VAMP4: variants seen among roughly 807,000 people sequenced by gnomAD.
VAMP4 encodes the protein vesicle associated membrane protein 4.
Under a neutral mutation model 23.5 loss-of-function variants are expected in VAMP4, and 19 were observed. The observed-to-expected ratio is 0.81, with a 90% CI of 0.56 to 1.19. The LOEUF is 1.19. Ranked by LOEUF, VAMP4 falls within the 50% of genes most tolerant of loss-of-function variation. VAMP4 has a pLI of 0.00. For synonymous variants in VAMP4, 31 were observed against 51.0 expected (o/e 0.61, Z 1.67); for missense variants, 145 against 168.6 (o/e 0.86, Z 0.78).
At position 171,703,491 on chromosome 1, in the gene VAMP4, A is replaced by G. The variant is rs549888264; in HGVS notation, c.*1015T>C. The G allele has an allele frequency of 1.5e-5, 2 of 130,146 alleles. No individual in the cohort carries two copies. Among genetic ancestry groups the G allele is most frequent in the African/African-American group, 2.9e-5 (1 of 34,320 alleles). The allele number at this position is 130,146 out of a possible 1,614,324, so 8.1% of individuals were successfully genotyped here. On this transcript the variant is annotated 3_prime_UTR_variant, in exon 8 of 8. Coordinates refer to ENST00000236192, the MANE Select transcript of VAMP4 (RefSeq NM_003762.5). Reference sequence around the variant, plus strand: ...TATACACATAGGTTCCTGACTTTCTACTACTCATTACTGTTGGCTGATGCA... The same window carrying G: ...TATACACATAGGTTCCTGACTTTCTGCTACTCATTACTGTTGGCTGATGCA...
chr1:171,704,236 G>A lies in VAMP4; in HGVS notation c.*270C>T, dbSNP rs1303088996. On this transcript the variant is annotated 3_prime_UTR_variant, in exon 8 of 8. Coordinates refer to ENST00000236192, the MANE Select transcript of VAMP4 (RefSeq NM_003762.5). Reference sequence around the variant, plus strand: ...GTTTATATACACAAATAATGAACTGGCAAGTATCTAGTTTCAAATTAGATC... The same window carrying A: ...GTTTATATACACAAATAATGAACTGACAAGTATCTAGTTTCAAATTAGATC... The A allele has an allele frequency of 3.9e-6, 1 of 256,854 alleles. No individual in the cohort carries two copies. Among genetic ancestry groups the A allele is most frequent in the Non-Finnish European group, 7.4e-6 (1 of 134,504 alleles). 15.9% of individuals were successfully genotyped at this position (256,854 alleles called of 1,614,324 possible). A position where few individuals can be genotyped will look rare whatever the true frequency, so the allele number is the denominator to read the frequency against.
intron 4 of VAMP4, among the ~76,000 whole-genome samples, chr1:171,715,909 A>C (rs1378757964): frequency 6.6e-6 from 1 of 152,072 alleles, no homozygotes; most frequent in Non-Finnish European, 1.5e-5. Context: ...GCTGAGGTGG[A>C]AGGATCAATT....
rs753737816 is a variant in VAMP4, at chr1:171,719,121, T to C, written c.164+50A>G. The C allele has an allele frequency of 5.8e-6, 9 of 1,556,460 alleles. No individual in the cohort carries two copies. In the African/African-American group the frequency reaches 8.2e-5, roughly 14 times the overall value. ...TCACAGGCTGCAGTTTGCCAATCTC[T>C]AGTCTACACAGAAATATGATTATCA... On this transcript the variant is annotated intron_variant, in intron 4 of 7. Transcript: ENST00000236192.
At chr1:171,712,480 A>G (rs1355644924) in intron 4 of VAMP4, among the ~76,000 whole-genome samples, 3 of 152,170 alleles carry the variant, frequency 2.0e-5, no homozygotes, top group Non-Finnish European at 4.4e-5. Context: ...AAGCTTGATG[A>G]CAGTCACTTC....
chr1:171,741,375 G>A (rs142441857), intron 1 of VAMP4, among the ~76,000 whole-genome samples: 173 of 152,188 alleles, frequency 1.1e-3, no homozygotes, highest in African/African-American at 3.9e-3. Context: ...GACACAGACC[G>A]GAGATATTAT....
chr1:171,710,157 C>T (rs1444614170), intron 5 of VAMP4, among the ~76,000 whole-genome samples: 2 of 149,640 alleles, frequency 1.3e-5, no homozygotes, highest in Non-Finnish European at 3.0e-5. Flanking sequence ...TAAAGGAAAA[C>T]AATATACATT....
chr1:171,700,520 T>C lies in VAMP4; in HGVS notation c.*3986A>G, dbSNP rs1264682348. 1 of 152,222 alleles carries C rather than the reference T, an allele frequency of 6.6e-6. No homozygotes were observed. The highest frequency in any genetic ancestry group is 1.5e-5 in the Non-Finnish European group (1 of 68,032). The allele number at this position is 152,222 out of a possible 1,614,324, so 9.4% of individuals were successfully genotyped here. On this transcript the variant is annotated 3_prime_UTR_variant, in exon 8 of 8. Coordinates refer to ENST00000236192, the MANE Select transcript of VAMP4 (RefSeq NM_003762.5). ...TACTTTGTGGCTTTAAAATATTGGA[T>C]ACTTTGATTTTAAGACTACTTTAAA...
At chr1:171,739,166 G>A (rs1456002751) in intron 1 of VAMP4, among the ~76,000 whole-genome samples, 2 of 152,162 alleles carry the variant, frequency 1.3e-5, no homozygotes, top group African/African-American at 2.4e-5. Flanking sequence ...AAAAACCTAG[G>A]CATGATTAGA....
intron 3 of VAMP4, among the ~76,000 whole-genome samples, chr1:171,721,771 A>G (rs926534117): frequency 4.6e-5 from 7 of 152,218 alleles, no homozygotes; most frequent in Non-Finnish European, 7.3e-5. Flanking sequence ...AAACAAATGG[A>G]AGAACATTCC....
intron 4 of VAMP4, among the ~76,000 whole-genome samples, chr1:171,711,238 G>A (rs978529554): frequency 6.6e-6 from 1 of 152,096 alleles, no homozygotes; most frequent in Non-Finnish European, 1.5e-5. Context: ...AACAAAGGAG[G>A]TACCTTAACA....
At position 171,709,722 on chromosome 1, in the gene VAMP4, T is replaced by G; in HGVS notation, c.288A>C (p.Thr96=). ...GTTGTTTGGATCTGTTGCTAAAAGC[T>G]GTTGCATTATCCGATAAGCTTTCTA... ...DKSESLSDNA[T]AFSNRSKQLR... Residue 96 remains threonine (T), a synonymous_variant, in exon 6 of 8, where the codon ACA becomes ACC. Transcript: ENST00000236192. The G allele has an allele frequency of 6.2e-7, 1 of 1,613,206 alleles. No individual in the cohort carries two copies. Among genetic ancestry groups the G allele is most frequent in the Non-Finnish European group, 8.5e-7 (1 of 1,179,372 alleles).
chr1:171,739,448 T>A (rs1439880413), intron 1 of VAMP4, among the ~76,000 whole-genome samples: 1 of 152,212 alleles, frequency 6.6e-6, no homozygotes, highest in East Asian at 1.9e-4. Context: ...TCCTTTATAA[T>A]AAACCAGTAA....
chr1:171,710,728 A>G lies in VAMP4; in HGVS notation c.251T>C (p.Leu84Pro), dbSNP rs1654822122. ...AAGATCTGTACCTGATTTGTCCTGT[A>G]GTTCATCTAGTCTCTCCCCTCTCTC... ...VIERGERLDE[L>P]QDKSESLSDN... is the part of the protein sequence containing the mutation. The change falls in exon 5 of 8, where the codon CTA (leucine) becomes CCA (proline). Residue 84 changes from leucine (L) to proline (P), a missense_variant. Transcript: ENST00000236192. The G allele has an allele frequency of 6.2e-7, 1 of 1,605,120 alleles. No homozygotes were observed. The highest frequency in any genetic ancestry group is 8.5e-7 in the Non-Finnish European group (1 of 1,175,012).
Position 171,702,174 on chromosome 1 carries a change from G to A in VAMP4, c.*2332C>T, listed in dbSNP as rs1049361790. The A allele has an allele frequency of 2.0e-5, 3 of 152,046 alleles. 1 individual carries two copies. Among genetic ancestry groups the A allele is most frequent in the South Asian group, 2.1e-4 (1 of 4,822 alleles). 9.4% of individuals were successfully genotyped at this position (152,046 alleles called of 1,614,324 possible). The stretch of plus-strand genomic sequence containing the variant: ...ATATTTTTTTCTTCTGTTTTTGATC[G>A]TAAGAGGGCTTATATCTCCAAGGTT... On this transcript the variant is annotated 3_prime_UTR_variant, in exon 8 of 8. Coordinates refer to ENST00000236192, the MANE Select transcript of VAMP4 (RefSeq NM_003762.5).
intron 1 of VAMP4, among the ~76,000 whole-genome samples, chr1:171,739,251 T>C (rs558928843): frequency 2.6e-5 from 4 of 152,248 alleles, no homozygotes; most frequent in East Asian, 1.9e-4. Context: ...TGATTTCTAA[T>C]AGCCAATGAT....
intron 2 of VAMP4, among the ~76,000 whole-genome samples, chr1:171,737,623 T>C (rs1655785595): frequency 6.6e-6 from 1 of 152,214 alleles, no homozygotes; most frequent in Non-Finnish European, 1.5e-5. Flanking sequence ...TTACACACTT[T>C]ATTTACATAG....
intron 4 of VAMP4, 98 bp from the exon 5 acceptor site, chr1:171,710,912 A>C (rs1344717792): frequency 1.2e-6 from 1 of 833,292 alleles, no homozygotes; most frequent in African/African-American, 1.8e-5. Flanking sequence ...GCAAATTCTC[A>C]GAGAATTATT....
chr1:171,723,966 G>C (rs574998208), intron 3 of VAMP4, among the ~76,000 whole-genome samples: 1 of 151,926 alleles, frequency 6.6e-6, no homozygotes, highest in Non-Finnish European at 1.5e-5. Flanking sequence ...CTCCATTCGG[G>C]GTCGCTGACT....
chr1:171,709,823 ATAT>A (rs1173391745), intron 5 of VAMP4, 79 bp from the exon 6 acceptor site: 11 of 1,160,778 alleles, frequency 9.5e-6, no homozygotes, highest in Non-Finnish European at 1.3e-5. Context: ...AGATAAGAAA[ATAT>A]TAATTTCTAC....
Sources: allele counts gnomAD v4.1 joint callset (sites outside exome capture counted in the v4.1 genomes callset), GRCh38; gene constraint gnomAD v4.1.1; transcripts MANE v1.5; gene names NCBI Gene and HGNC (gene_info 2026-07-23, HGNC 2026-07-21).